The following NME1 variants were observed in gnomAD, a reference collection of about 807,000 sequenced individuals.
NME1 encodes NME/NM23 nucleoside diphosphate kinase 1, also known as nucleoside diphosphate kinase A.
A neutral mutation model predicts 17.2 loss-of-function variants in NME1; 9 were observed. That is an observed-to-expected ratio of 0.52 (90% confidence interval 0.32 to 0.92). The LOEUF is 0.92. Ranked by LOEUF, NME1 falls within the 40% of genes least tolerant of loss-of-function variation. The pLI is 0.04. For missense variants in NME1, 169 were observed against 201.7 expected (o/e 0.84, Z 0.98); for synonymous variants, 72 against 70.8 (o/e 1.02, Z -0.09).
rs121917887 is a variant in NME1 at position 51,161,744 on chromosome 17, A to G, written c.358A>G (p.Ser120Gly). The G allele has an allele frequency of 1.5e-4, 241 of 1,613,442 alleles. No homozygotes were observed. The Middle Eastern group carries it at 2.1e-3, about 14-fold the overall frequency. The change falls in exon 5 of 5, where the codon AGT becomes GGT. Residue 120 changes from serine to glycine, a missense_variant. Transcript: ENST00000393196. ...TCCACCCAGGAACATTATACATGGC[A>G]GTGATTCTGTGGAGAGTGCAGAGAA... ...IQVGRNIIHGSDSVESAEKEI... is the reference protein window; with the variant it reads ...IQVGRNIIHGGDSVESAEKEI...
intron 2 of NME1, 70 bp downstream of exon 2, chr17:51,155,850 C>G: frequency 6.2e-7 from 1 of 1,602,722 alleles, no homozygotes; most frequent in Middle Eastern, 1.7e-4. Flanking sequence ...TAACCTGTTT[C>G]TCCCCGTCTT....
intron 1 of NME1, chr17:51,154,451 C>T (rs1279260944): frequency 1.2e-6 from 2 of 1,613,312 alleles, no homozygotes; most frequent in East Asian, 2.2e-5. Flanking sequence ...CAGGGTAGGT[C>T]ATGAGCGCAG....
chr17:51,161,001 C>A, intron 3 of NME1, 159 bp from the exon 4 acceptor site: 1 of 788,010 alleles, frequency 1.3e-6, no homozygotes, highest in Non-Finnish European at 2.2e-6. Context: ...TCAGGATCCT[C>A]AGTGCTGGAA....
chr17:51,154,134 C>A, intron 1 of NME1: 2 of 517,528 alleles, frequency 3.9e-6, no homozygotes, highest in South Asian at 4.4e-5. Context: ...CGATTCTCCG[C>A]AGTCTTTGGG....
Position 51,154,489 on chromosome 17 carries a change from G to C in NME1, c.-5+827G>C, listed in dbSNP as rs760449519. 2.0e-6 allele frequency: 3 copies of C among 1,518,084 alleles called. No individual in the cohort carries two copies. In the South Asian group the frequency reaches 3.4e-5, roughly 17 times the overall value. 94.0% of individuals were successfully genotyped at this position (1,518,084 alleles called of 1,614,324 possible). A position where few individuals can be genotyped will look rare whatever the true frequency, so the allele number is the denominator to read the frequency against. ...TTCTGTAAAATGAGGGATCTGGACG[G>C]AATAGTTACTCTCTAGGCTTCCTTT... On this transcript the variant is annotated intron_variant, in intron 1 of 4. Coordinates refer to ENST00000393196, the MANE Select transcript of NME1 (RefSeq NM_000269.3).
chr17:51,156,462 T>C (rs1598236265), intron 2 of NME1: 1 of 154,814 alleles, frequency 6.5e-6, no homozygotes, highest in Middle Eastern at 3.4e-3. Context: ...CAAGGCAGGC[T>C]GGTCACTTGA....
intron 1 of NME1, chr17:51,154,463 C>A (rs769349107): frequency 2.5e-6 from 4 of 1,610,532 alleles, no homozygotes; most frequent in Non-Finnish European, 3.4e-6. Context: ...TGAGCGCAGT[C>A]TTCTGTAAAA....
chr17:51,160,822 G>T (rs1483201870), intron 3 of NME1, among the ~76,000 whole-genome samples: 1 of 152,060 alleles, frequency 6.6e-6, no homozygotes, highest in African/African-American at 2.4e-5. Flanking sequence ...ATGTTAGCCA[G>T]GATGGTCTCG....
At position 51,162,075 on chromosome 17, in the gene NME1, CT is replaced by C. The variant is rs201883691; in HGVS notation, c.*238del. ...TTGGTTACTTCATATTGTTGCATTG[CT>C]TTTTTTTCCTTCTTTTCATGTACAC... On this transcript the variant is annotated 3_prime_UTR_variant, in exon 5 of 5. Coordinates refer to ENST00000393196, the MANE Select transcript of NME1 (RefSeq NM_000269.3). The C allele has an allele frequency of 3.5e-5, 17 of 491,834 alleles. No homozygotes were observed. Among genetic ancestry groups the C allele is most frequent in the East Asian group, 1.5e-4 (4 of 26,868 alleles). 30.5% of individuals were successfully genotyped at this position (491,834 alleles called of 1,614,324 possible).
intron 3 of NME1, chr17:51,160,702 C>T (rs1476530277): frequency 4.4e-5 from 12 of 272,380 alleles, no homozygotes; most frequent in East Asian, 2.8e-4. Flanking sequence ...CTCCACCTCC[C>T]GGGTTCACGC....
chr17:51,159,892 C>T, intron 2 of NME1, 88 bp from the exon 3 acceptor site: 1 of 1,496,438 alleles, frequency 6.7e-7, no homozygotes, highest in South Asian at 1.1e-5. Context: ...TCATGTTTTA[C>T]ATAGCAGGGT....
intron 4 of NME1, 91 bp from the exon 5 acceptor site, chr17:51,161,637 C>A: frequency 1.0e-6 from 1 of 978,810 alleles, no homozygotes; most frequent in Non-Finnish European, 1.7e-6. Flanking sequence ...GGAGCTTCAG[C>A]TTTTATGCTG....
At chr17:51,160,966 A>T (rs2049856400) in intron 3 of NME1, 194 bp from the exon 4 acceptor site, 6 of 719,778 alleles carry the variant, frequency 8.3e-6, no homozygotes. Flanking sequence ...TACATTGTAG[A>T]AAGGCAAGCA....
chr17:51,159,129 T>C (rs1011805287), intron 2 of NME1, among the ~76,000 whole-genome samples: 1 of 152,176 alleles, frequency 6.6e-6, no homozygotes, highest in African/African-American at 2.4e-5. Flanking sequence ...GAATGGAAAT[T>C]TATTGTATTG....
Position 51,157,869 on chromosome 17 carries a change from G to A in NME1, c.126+2089G>A, listed in dbSNP as rs76155423. 6.8e-3 allele frequency among the ~76,000 whole-genome samples: 1,039 copies of A among 152,232 alleles called. 9 individuals carry two copies. Among genetic ancestry groups the A allele is most frequent in the Non-Finnish European group, 0.011 (756 of 68,020 alleles). ...GTGAAGAATGGACGGAAGGATAGCT[G>A]CCATGACTCTAAAGGGGCATTTAAA... On this transcript the variant is annotated intron_variant, in intron 2 of 4. Coordinates refer to ENST00000393196, the MANE Select transcript of NME1 (RefSeq NM_000269.3).
intron 2 of NME1, among the ~76,000 whole-genome samples, chr17:51,156,892 CAAAAAAAAAAA>C: frequency 1.2e-5 from 1 of 86,898 alleles, no homozygotes; most frequent in African/African-American, 4.5e-5. Flanking sequence ...ACTCCATCTC[CAAAAAAAAAAA>C]AAAAAAAGAA....
intron 2 of NME1, among the ~76,000 whole-genome samples, chr17:51,158,782 G>C (rs193066960): frequency 9.2e-5 from 14 of 152,308 alleles, no homozygotes; most frequent in Admixed American, 7.9e-4. Context: ...TTTAACAAGC[G>C]TATATGCAGT....
At chr17:51,155,240 C>A (rs1443992293) in intron 1 of NME1, among the ~76,000 whole-genome samples, 1 of 100,120 alleles carries the variant, frequency 1.0e-5, no homozygotes. Context: ...AGACTCCATA[C>A]CAAAAAAAAA....
intron 2 of NME1, among the ~76,000 whole-genome samples, chr17:51,157,508 T>A (rs1262520191): frequency 6.6e-6 from 1 of 152,164 alleles, no homozygotes; most frequent in East Asian, 1.9e-4. Flanking sequence ...CTCCCAACAT[T>A]GTTGCATCGA....
Sources: allele counts gnomAD v4.1 joint callset (sites outside exome capture counted in the v4.1 genomes callset), GRCh38; gene constraint gnomAD v4.1.1; transcripts MANE v1.5; gene names NCBI Gene and HGNC (gene_info 2026-07-23, HGNC 2026-07-21).